The following TSPAN6 variants were observed in gnomAD, a reference collection of about 807,000 sequenced individuals.
The protein encoded by TSPAN6 is tetraspanin 6.
A neutral mutation model predicts 18.0 loss-of-function variants in TSPAN6; 13 were observed. That is an observed-to-expected ratio of 0.72 (90% confidence interval 0.47 to 1.15). The LOEUF is 1.15. Ranked by LOEUF, TSPAN6 falls within the 50% of genes most tolerant of loss-of-function variation. The pLI is 0.00. For missense variants in TSPAN6, 186 were observed against 183.9 expected (o/e 1.01, Z -0.07); for synonymous variants, 82 against 67.0 (o/e 1.22, Z -1.09).
chrX:100,633,630 A>C, intron 4 of TSPAN6, 91 bp from the exon 5 acceptor site: 1 of 910,823 alleles, frequency 1.1e-6, no homozygotes, highest in Non-Finnish European at 1.5e-6. Flanking sequence ...TTTGTGCTCA[A>C]AACATTTACT....
intron 7 of TSPAN6, among the ~76,000 whole-genome samples, chrX:100,630,511 C>T (rs1322025818): frequency 8.9e-6 from 1 of 111,820 alleles, no homozygotes; most frequent in African/African-American, 3.3e-5. Flanking sequence ...AATATATAAA[C>T]CCACACGGGG....
Position 100,629,043 on chromosome X carries a change from A to G in TSPAN6, c.*983T>C, listed in dbSNP as rs2083042080. 8.9e-6 allele frequency: 1 copy of G among 112,088 alleles called. No homozygotes were observed. The highest frequency in any genetic ancestry group is 1.9e-5 in the Non-Finnish European group (1 of 53,273). 9.2% of individuals were successfully genotyped at this position (112,088 alleles called of 1,213,427 possible). ...CACGATCTTTTTAGAGGAAAGCAGT[A>G]TTTATTGTATAAGAGTTATACTTAT... is the stretch of plus-strand genomic sequence containing the variant. On this transcript the variant is annotated 3_prime_UTR_variant, in exon 8 of 8. Transcript: ENST00000373020.
intron 5 of TSPAN6, 60 bp from the exon 6 acceptor site, chrX:100,632,628 T>C (rs1264477868): frequency 2.6e-6 from 2 of 765,637 alleles, no homozygotes; most frequent in Non-Finnish European, 3.9e-6. Context: ...CTTTTCTTTA[T>C]GGTAATAAAT....
At position 100,628,403 on chromosome X, in the gene TSPAN6, A is replaced by C. The variant is rs781450110; in HGVS notation, c.*1623T>G. 3.6e-5 allele frequency: 4 copies of C among 111,728 alleles called. No individual in the cohort carries two copies. The highest frequency in any genetic ancestry group is 7.5e-5 in the Non-Finnish European group (4 of 53,190). The allele number at this position is 111,728 out of a possible 1,213,427, so 9.2% of individuals were successfully genotyped here. A position where few individuals can be genotyped will look rare whatever the true frequency, so the allele number is the denominator to read the frequency against. ...ACATACTCAAAATTCATGATCATTT[A>C]ACTAGTAGTTTTTGCCCAGGTTTTT... On this transcript the variant is annotated 3_prime_UTR_variant, in exon 8 of 8. Transcript: ENST00000373020.
chrX:100,631,979 C>T (rs1569352184), intron 6 of TSPAN6: 1 of 119,404 alleles, frequency 8.4e-6, no homozygotes, highest in African/African-American at 3.3e-5. Flanking sequence ...AACCCATCAT[C>T]TACATTAGGT....
chrX:100,635,779 C>A lies in TSPAN6; in HGVS notation c.88-33G>T, dbSNP rs367796303. 4.6e-6 allele frequency: 5 copies of A among 1,079,100 alleles called. No homozygotes were observed. The African/African-American group carries it at 7.4e-5, about 16-fold the overall frequency. The allele number at this position is 1,079,100 out of a possible 1,213,427, so 88.9% of individuals were successfully genotyped here. On this transcript the variant is annotated intron_variant, in intron 1 of 7. Coordinates refer to ENST00000373020, the MANE Select transcript of TSPAN6 (RefSeq NM_003270.4). Reference sequence around the variant, plus strand: ...GGAATTCAGAGAATACAAACAGTTACGCACTGTGTACAGCAGCATCTTCAA... The same window carrying A: ...GGAATTCAGAGAATACAAACAGTTAAGCACTGTGTACAGCAGCATCTTCAA...
Position 100,632,579 on chromosome X carries a change from G to GA in TSPAN6, c.586-12dup, listed in dbSNP as rs1198242911. 5 of 1,146,226 alleles carry GA rather than the reference G, an allele frequency of 4.4e-6. No individual in the cohort carries two copies. Among genetic ancestry groups the GA allele is most frequent in the Middle Eastern group, 2.4e-4 (1 of 4,130 alleles). 94.5% of individuals were successfully genotyped at this position (1,146,226 alleles called of 1,213,427 possible). A position where few individuals can be genotyped will look rare whatever the true frequency, so the allele number is the denominator to read the frequency against. On this transcript the variant is annotated splice_polypyrimidine_tract_variant and intron_variant, in intron 5 of 7. Coordinates refer to ENST00000373020, the MANE Select transcript of TSPAN6 (RefSeq NM_003270.4). ...CTTTATAAAACAACCCTAATGGGAG[G>GA]AAAAAAACAAAGATTAAATACAGCA...
chrX:100,632,621 T>C, intron 5 of TSPAN6, 53 bp from the exon 6 acceptor site: 2 of 826,035 alleles, frequency 2.4e-6, no homozygotes, highest in Non-Finnish European at 3.5e-6. Flanking sequence ...GCCTGTGCTT[T>C]TCTTTATGGT....
rs2083037678 is a variant in TSPAN6, at chrX:100,628,322, C to T, written c.*1704G>A. On this transcript the variant is annotated 3_prime_UTR_variant, in exon 8 of 8. Transcript: ENST00000373020. ...TTATCCTATGTCAAAAGTCACACAT[C>T]AAATGTTCTAATGGAGAATATCATT... The T allele has an allele frequency of 9.0e-6, 1 of 111,725 alleles. No individual in the cohort carries two copies. Among genetic ancestry groups the T allele is most frequent in the African/African-American group, 3.3e-5 (1 of 30,699 alleles). 9.2% of individuals were successfully genotyped at this position (111,725 alleles called of 1,213,427 possible).
chrX:100,632,669 T>C (rs1022515359), intron 5 of TSPAN6, 101 bp from the exon 6 acceptor site: 14 of 528,061 alleles, frequency 2.7e-5, no homozygotes, highest in African/African-American at 7.2e-5. Flanking sequence ...CAGAAAGATA[T>C]ATTTATGGTA....
chrX:100,629,336 A>C lies in TSPAN6; in HGVS notation c.*690T>G, dbSNP rs1054594. On this transcript the variant is annotated 3_prime_UTR_variant, in exon 8 of 8. Transcript: ENST00000373020. ...TCACAGAACATCAGTAGTCCCTTCC[A>C]GTCGTGGATGCCTTAGACCCAAGGC... is the stretch of plus-strand genomic sequence containing the variant. The C allele has an allele frequency of 8.9e-6, 1 of 112,080 alleles. No homozygotes were observed. The highest frequency in any genetic ancestry group is 1.9e-5 in the Non-Finnish European group (1 of 53,203). 9.2% of individuals were successfully genotyped at this position (112,080 alleles called of 1,213,427 possible). A position where few individuals can be genotyped will look rare whatever the true frequency, so the allele number is the denominator to read the frequency against.
Position 100,635,610 on chromosome X carries a change from C to T in TSPAN6, c.224G>A (p.Gly75Asp). Reference protein sequence around the residue: ...IATGTVIILLGTFGCFATCRA... With the variant: ...IATGTVIILLDTFGCFATCRA... ...GCAGGTAGCAAAACAACCAAAGGTG[C>T]CCAAAAGAATAATGACGGTACCAGT... is the stretch of plus-strand genomic sequence containing the variant. The change falls in exon 2 of 8, where the codon GGC becomes GAC. Residue 75 changes from glycine (G) to aspartate (D), a missense_variant. Transcript: ENST00000373020. 1 of 1,201,646 alleles carries T rather than the reference C, an allele frequency of 8.3e-7. No homozygotes were observed. The highest frequency in any genetic ancestry group is 1.1e-6 in the Non-Finnish European group (1 of 889,572).
chrX:100,632,429 C>A, intron 6 of TSPAN6, 56 bp downstream of exon 6: 1 of 927,964 alleles, frequency 1.1e-6, no homozygotes, highest in Non-Finnish European at 1.5e-6. Context: ...TGAAAATCTT[C>A]TAGCTTACAC....
At chrX:100,630,262 C>T (rs141932480) in intron 7 of TSPAN6, among the ~76,000 whole-genome samples, 11 of 111,844 alleles carry the variant, frequency 9.8e-5, no homozygotes, top group Non-Finnish European at 1.7e-4. Context: ...TTAACAAAAG[C>T]CCACCAAAAA....
rs184619952 is a variant in TSPAN6, at chrX:100,628,125, T to C, written c.*1901A>G. The C allele has an allele frequency of 8.9e-6, 1 of 112,112 alleles. No homozygotes were observed. The highest frequency in any genetic ancestry group is 2.8e-4 in the East Asian group (1 of 3,599). 9.2% of individuals were successfully genotyped at this position (112,112 alleles called of 1,213,427 possible). ...CCATGGCTGGCTGAGGGAAAACTTT[T>C]TTAAAAACTCTAAATATAACCTTAA... On this transcript the variant is annotated 3_prime_UTR_variant, in exon 8 of 8. Coordinates refer to ENST00000373020, the MANE Select transcript of TSPAN6 (RefSeq NM_003270.4).
intron 1 of TSPAN6, chrX:100,636,182 C>G: frequency 2.5e-6 from 2 of 792,061 alleles, no homozygotes; most frequent in Non-Finnish European, 3.0e-6. Flanking sequence ...GGAGGCATAC[C>G]ATACTTACCT....
At position 100,630,849 on chromosome X, in the gene TSPAN6, G is replaced by A. The variant is rs1430693630; in HGVS notation, c.687C>T (p.Leu229=). The change falls in exon 7 of 8, where the codon CTC becomes CTT. Residue 229 remains leucine (L), a synonymous_variant. Coordinates refer to ENST00000373020, the MANE Select transcript of TSPAN6 (RefSeq NM_003270.4). ...TTATGGCACGAGAGAGGCAGTAGGC[G>A]AGAAAGATTCCAATCAGCTAGAAAT... ...VACFQLIGIF[L]AYCLSRAITN... is the part of the protein sequence containing the mutation. 1.4e-5 allele frequency: 17 copies of A among 1,205,503 alleles called. No homozygotes were observed. In the Admixed American group the frequency reaches 2.2e-4, roughly 16 times the overall value.
At position 100,636,770 on chromosome X, in the gene TSPAN6, C is replaced by T. The variant is rs2083100075; in HGVS notation, c.-76G>A. 1 of 1,058,197 alleles carries T rather than the reference C, an allele frequency of 9.5e-7. No homozygotes were observed. Among genetic ancestry groups the T allele is most frequent in the Non-Finnish European group, 1.2e-6 (1 of 802,219 alleles). 87.2% of individuals were successfully genotyped at this position (1,058,197 alleles called of 1,213,427 possible). On this transcript the variant is annotated 5_prime_UTR_variant, in exon 1 of 8. Coordinates refer to ENST00000373020, the MANE Select transcript of TSPAN6 (RefSeq NM_003270.4). ...GCGAGACGCGGAGTCCCCGAGTCTCCCCGGAAACTGCCGAAAACTTACGAG... is the reference window on the plus strand; with the variant it reads ...GCGAGACGCGGAGTCCCCGAGTCTCTCCGGAAACTGCCGAAAACTTACGAG...
chrX:100,630,555 T>C (rs1050476096), intron 7 of TSPAN6, among the ~76,000 whole-genome samples: 2 of 112,095 alleles, frequency 1.8e-5, no homozygotes, highest in Admixed American at 1.9e-4. Context: ...AGAGCATGCA[T>C]AGATAAGCTG....
Sources: gnomAD v4.1 joint callset for allele counts (sites outside exome capture counted in the v4.1 genomes callset) on GRCh38, gnomAD v4.1.1 for gene constraint, MANE v1.5 for transcripts, NCBI Gene and HGNC (gene_info 2026-07-23, HGNC 2026-07-21) for gene names.